Variants in PCDHGC3 observed in about 807,000 individuals in gnomAD.
PCDHGC3 encodes protocadherin gamma-C3.
Under a neutral mutation model 59.2 loss-of-function variants are expected in PCDHGC3, and 26 were observed. The ratio of observed to expected loss-of-function variants is 0.44; its 90% CI spans 0.32 to 0.61. The LOEUF (loss-of-function observed/expected upper bound fraction) is 0.61, where lower values mean the gene tolerates loss of function less well. Among genes scored for constraint, PCDHGC3 ranks in the 20% least tolerant of loss-of-function variants. The probability of loss-of-function intolerance (pLI) is 0.05; values close to 1 mark genes in which losing one functional copy is unlikely to be tolerated. For synonymous variants in PCDHGC3, 487 were observed against 519.7 expected (o/e 0.94, Z 0.86); for missense variants, 1,080 against 1,221.8 (o/e 0.88, Z 1.73).
intron 2 of PCDHGC3, 80 bp downstream of exon 2, chr5:141,494,945 C>G (rs2099757788): frequency 6.2e-7 from 1 of 1,608,958 alleles, no homozygotes; most frequent in Non-Finnish European, 8.5e-7. Flanking sequence ...GGGGGAGGGC[C>G]CAGCATTTGC....
At position 141,510,979 on chromosome 5, in the gene PCDHGC3, G is replaced by T; in HGVS notation, c.2611G>T (p.Gly871Cys). 3.7e-6 allele frequency: 6 copies of T among 1,614,156 alleles called. No individual in the cohort carries two copies. Among genetic ancestry groups the T allele is most frequent in the Non-Finnish European group, 4.2e-6 (5 of 1,180,018 alleles). Residue 871 changes from glycine to cysteine, a missense_variant, in exon 4 of 4, where the codon GGT becomes TGT. Gly to Cys is a radical substitution (Grantham distance 159). Coordinates refer to ENST00000308177, the MANE Select transcript of PCDHGC3 (RefSeq NM_002588.4). ...TGATGGGAGCTCCACCCTGGGAGGGGGTGCCGGCACCATGGGATTGAGCGC... is the reference window on the plus strand; with the variant it reads ...TGATGGGAGCTCCACCCTGGGAGGGTGTGCCGGCACCATGGGATTGAGCGC... Reference protein sequence around the residue: ...AADGSSTLGGGAGTMGLSARY... With the variant: ...AADGSSTLGGCAGTMGLSARY...
chr5:141,494,894 C>A, intron 2 of PCDHGC3, 29 bp downstream of exon 2: 1 of 1,614,116 alleles, frequency 6.2e-7, no homozygotes, highest in South Asian at 1.1e-5. Flanking sequence ...AGCCCACCCT[C>A]TTCTCTGCGG....
Position 141,492,511 on chromosome 5 carries a change from C to T in PCDHGC3, c.2431-2296C>T, listed in dbSNP as rs58889912. Among the ~76,000 whole-genome samples the T allele has an allele frequency of 1.7e-3, 262 of 152,326 alleles. 2 individuals are homozygous for T. The highest frequency in any genetic ancestry group is 6.0e-3 in the African/African-American group (249 of 41,582). On this transcript the variant is annotated intron_variant, in intron 1 of 3. Coordinates refer to ENST00000308177, the MANE Select transcript of PCDHGC3 (RefSeq NM_002588.4). Reference sequence around the variant, plus strand: ...CCAGGCGAGGACTCCGGAGCCTCCTCTCACCTCTCCCACCTGCGCCCCGGG... The same window carrying T: ...CCAGGCGAGGACTCCGGAGCCTCCTTTCACCTCTCCCACCTGCGCCCCGGG...
chr5:141,479,324 C>G (rs2099492748), intron 1 of PCDHGC3: 1 of 152,556 alleles, frequency 6.6e-6, no homozygotes, highest in Admixed American at 6.5e-5. Context: ...TAGCCAGACT[C>G]AGTGGTGTGC....
chr5:141,486,161 A>G lies in PCDHGC3; in HGVS notation c.2430+7615A>G. 1 of 1,614,216 alleles carries G rather than the reference A, an allele frequency of 6.2e-7. No individual in the cohort carries two copies. The highest frequency in any genetic ancestry group is 8.5e-7 in the Non-Finnish European group (1 of 1,180,038). ...GGCTCGCGATGGGGGTTCTCCAGCC[A>G]TGGAGCAACATTGCAGCCTTCGAGT... On this transcript the variant is annotated intron_variant, in intron 1 of 3. Coordinates refer to ENST00000308177, the MANE Select transcript of PCDHGC3 (RefSeq NM_002588.4). The surrounding 1 kb of genome is among the most constrained non-coding windows in gnomAD (Gnocchi z 5.0).
At position 141,478,367 on chromosome 5, in the gene PCDHGC3, C is replaced by T. The variant is rs2099451272; in HGVS notation, c.2251C>T (p.Leu751=). 1.2e-6 allele frequency: 2 copies of T among 1,613,750 alleles called. No homozygotes were observed. Among genetic ancestry groups the T allele is most frequent in the South Asian group, 2.2e-5 (2 of 91,086 alleles). The change falls in exon 1 of 4, where the codon CTG becomes TTG. Residue 751 remains leucine, a synonymous_variant. Transcript: ENST00000308177. ...GCACGCGGACGCCGTGCGGGGAGGCCTGATGTCGCCGCACCTTTACCATCA... is the reference window on the plus strand; with the variant it reads ...GCACGCGGACGCCGTGCGGGGAGGCTTGATGTCGCCGCACCTTTACCATCA... The part of the protein sequence containing the change: ...SLHADAVRGG[L]MSPHLYHQVY...
rs560968418 is a variant in PCDHGC3 at position 141,478,068 on chromosome 5, A to T, written c.1952A>T (p.Asn651Ile). The T allele has an allele frequency of 6.2e-7, 1 of 1,614,134 alleles. No homozygotes were observed. Among genetic ancestry groups the T allele is most frequent in the East Asian group, 2.2e-5 (1 of 44,884 alleles). Reference sequence around the variant, plus strand: ...ACTCTCACGGTCTTGATCAAAGACAATGGGGAGCCTTCGCTCTCCACCACT... The same window carrying T: ...ACTCTCACGGTCTTGATCAAAGACATTGGGGAGCCTTCGCTCTCCACCACT... ...RQTLTVLIKD[N>I]GEPSLSTTAT... Residue 651 changes from asparagine (N) to isoleucine (I), a missense_variant, in exon 1 of 4, where the codon AAT becomes ATT. Physicochemically the swap from Asn to Ile is moderately radical, Grantham distance 149 (BLOSUM62 -3). Coordinates refer to ENST00000308177, the MANE Select transcript of PCDHGC3 (RefSeq NM_002588.4).
In PCDHGC3 at chr5:141,478,425, A is replaced by G. The variant is rs1454100826; in HGVS notation, c.2309A>G (p.Asp770Gly). ...VYLTTDSRRSDPLLKKPGAAS... is the reference protein window; with the variant it reads ...VYLTTDSRRSGPLLKKPGAAS... ...CTCACCACGGACTCCCGCCGCAGCG[A>G]CCCGCTGCTGAAGAAACCTGGTGCA... The change falls in exon 1 of 4, where the codon GAC becomes GGC. Residue 770 changes from aspartate to glycine, a missense_variant. Physicochemically the swap from Asp to Gly is moderately conservative, Grantham distance 94. Coordinates refer to ENST00000308177, the MANE Select transcript of PCDHGC3 (RefSeq NM_002588.4). 1 of 1,613,542 alleles carries G rather than the reference A, an allele frequency of 6.2e-7. No individual in the cohort carries two copies. The highest frequency in any genetic ancestry group is 1.3e-5 in the African/African-American group (1 of 74,928).
In PCDHGC3 at chr5:141,491,632, C is replaced by T; in HGVS notation, c.2431-3175C>T. On this transcript the variant is annotated intron_variant, in intron 1 of 3. Transcript: ENST00000308177. This position sits in a 1 kb window ranked among gnomAD's most constrained non-coding sequence, Gnocchi z 6.9. ...TCTAAGACCCCTCAGCGTTCAGCAG[C>T]CCACAGCTCTGGCGCTGGAGCCTGA... 1.2e-6 allele frequency: 2 copies of T among 1,613,886 alleles called. No individual in the cohort carries two copies. The highest frequency in any genetic ancestry group is 1.7e-6 in the Non-Finnish European group (2 of 1,179,994).
chr5:141,485,152 A>T lies in PCDHGC3; in HGVS notation c.2430+6606A>T. 1.3e-6 allele frequency: 2 copies of T among 1,586,090 alleles called. No homozygotes were observed. Among genetic ancestry groups the T allele is most frequent in the Non-Finnish European group, 8.6e-7 (1 of 1,157,176 alleles). ...CTTCATCCGCGTCTCAGGAGCAAGT[A>T]GAGAATTAGCGGGCGGCAGCAATGC... On this transcript the variant is annotated intron_variant, in intron 1 of 3. Coordinates refer to ENST00000308177, the MANE Select transcript of PCDHGC3 (RefSeq NM_002588.4). This position sits in a 1 kb window ranked among gnomAD's most constrained non-coding sequence, Gnocchi z 5.7.
At chr5:141,508,244 C>A (rs1278674173) in intron 3 of PCDHGC3, 1 of 152,314 alleles carries the variant, frequency 6.6e-6, no homozygotes, top group Non-Finnish European at 1.5e-5. Context: ...CTAAGTCTGC[C>A]TCTCCTGGGA....
chr5:141,508,994 A>G (rs2099873731), intron 3 of PCDHGC3, among the ~76,000 whole-genome samples: 1 of 152,052 alleles, frequency 6.6e-6, no homozygotes, highest in South Asian at 2.1e-4. Flanking sequence ...CAGCTGGGGT[A>G]GGAGAGGAGG....
In PCDHGC3 at chr5:141,494,836, C is replaced by G. The variant is rs1016713543; in HGVS notation, c.2460C>G (p.Phe820Leu). ...CCCCGCCCAACACGGACTGGCGTTT[C>G]TCTCAGGCCCAGAGACCCGGCACCA... ...QQAPPNTDWR[F>L]SQAQRPGTSG... The change falls in exon 2 of 4, where the codon TTC (phenylalanine) becomes TTG (leucine). Residue 820 changes from phenylalanine (F) to leucine (L), a missense_variant. Phe to Leu is a conservative substitution (Grantham distance 22, BLOSUM62 0). Coordinates refer to ENST00000308177, the MANE Select transcript of PCDHGC3 (RefSeq NM_002588.4). 1.9e-6 allele frequency: 3 copies of G among 1,614,054 alleles called. No individual in the cohort carries two copies. The highest frequency in any genetic ancestry group is 2.7e-5 in the African/African-American group (2 of 74,932).
intron 1 of PCDHGC3, among the ~76,000 whole-genome samples, chr5:141,480,875 T>C (rs1285607270): frequency 6.6e-6 from 1 of 152,062 alleles, no homozygotes; most frequent in African/African-American, 2.4e-5. Context: ...TGAAACCCCG[T>C]CTCTACTAAA....
At chr5:141,501,557 G>A (rs192507373) in intron 2 of PCDHGC3, among the ~76,000 whole-genome samples, 1 of 152,124 alleles carries the variant, frequency 6.6e-6, no homozygotes, top group Non-Finnish European at 1.5e-5. Context: ...CATAGGCCCT[G>A]GAATCATATT....
chr5:141,490,623 T>C lies in PCDHGC3; in HGVS notation c.2431-4184T>C. The C allele has an allele frequency of 3.1e-6, 5 of 1,614,174 alleles. No individual in the cohort carries two copies. The highest frequency in any genetic ancestry group is 4.2e-6 in the Non-Finnish European group (5 of 1,180,020). ...GCTTCAACCAGCAGCTTTACACTGC[T>C]TACATCCTAGAAAACCGGCCTCCGG... On this transcript the variant is annotated intron_variant, in intron 1 of 3. Coordinates refer to ENST00000308177, the MANE Select transcript of PCDHGC3 (RefSeq NM_002588.4). This position sits in a 1 kb window ranked among gnomAD's most constrained non-coding sequence, Gnocchi z 5.4.
At chr5:141,503,099 C>T (rs1286557930) in intron 2 of PCDHGC3, among the ~76,000 whole-genome samples, 1 of 151,884 alleles carries the variant, frequency 6.6e-6, no homozygotes, top group Non-Finnish European at 1.5e-5. Context: ...GTGGTCTGCC[C>T]GCCCCTGCCT....
At chr5:141,488,331 T>C (rs535498873) in intron 1 of PCDHGC3, among the ~76,000 whole-genome samples, 22 of 152,218 alleles carry the variant, frequency 1.4e-4, no homozygotes, top group Non-Finnish European at 3.1e-4. Context: ...TACAGTTGGC[T>C]GATTCATAGA....
chr5:141,497,736 G>A (rs1437670417), intron 2 of PCDHGC3, among the ~76,000 whole-genome samples: 6 of 151,962 alleles, frequency 3.9e-5, no homozygotes, highest in Admixed American at 1.3e-4. Flanking sequence ...GATGGGTTTC[G>A]CCACGTTGGC....
Sources: gnomAD v4.1 joint callset for allele counts (sites outside exome capture counted in the v4.1 genomes callset) on GRCh38, gnomAD v4.1.1 for gene constraint, Gnocchi (gnomAD v3.1) non-coding constraint, MANE v1.5 for transcripts, NCBI Gene and HGNC (gene_info 2026-07-23, HGNC 2026-07-21) for gene names.